Variants in ANO4 observed in about 807,000 individuals in gnomAD.
The protein encoded by ANO4 is anoctamin 4.
A neutral mutation model predicts 141.9 loss-of-function variants in ANO4; 69 were observed. That is an observed-to-expected ratio of 0.49 (90% CI 0.40 to 0.59). The LOEUF (loss-of-function observed/expected upper bound fraction) is 0.59, where lower values mean the gene tolerates loss of function less well. ANO4 is among the 20% of genes least tolerant of loss of function. The pLI is 0.00. For synonymous variants in ANO4, 350 were observed against 394.3 expected (o/e 0.89, Z 1.33); for missense variants, 894 against 1,162.2 (o/e 0.77, Z 3.36).
At chr12:100,787,959 T>C (rs2033925489) in intron 3 of ANO4, among the ~76,000 whole-genome samples, 1 of 152,232 alleles carries the variant, frequency 6.6e-6, no homozygotes, top group Non-Finnish European at 1.5e-5. Flanking sequence ...GACAAATACA[T>C]TCATATGCCT....
intron 11 of ANO4, 97 bp from the exon 12 acceptor site, chr12:101,042,237 G>C (rs983655748): frequency 1.3e-6 from 2 of 1,489,728 alleles, no homozygotes; most frequent in Non-Finnish European, 1.8e-6. Flanking sequence ...AGTTTACCTC[G>C]TAAGGCCGCT....
chr12:100,951,363 A>G (rs2042963234), intron 5 of ANO4, among the ~76,000 whole-genome samples: 1 of 152,222 alleles, frequency 6.6e-6, no homozygotes, highest in African/African-American at 2.4e-5. Flanking sequence ...AAGTCATTCT[A>G]CCATATAGAC....
intron 1 of ANO4, among the ~76,000 whole-genome samples, chr12:100,726,496 G>A (rs1179651950): frequency 1.3e-5 from 2 of 152,168 alleles, no homozygotes; most frequent in African/African-American, 4.8e-5. Flanking sequence ...TTTGCTTATG[G>A]GCCTTAAAGT....
intron 9 of ANO4, among the ~76,000 whole-genome samples, chr12:101,022,585 T>C (rs1256630427): frequency 6.6e-6 from 1 of 152,224 alleles, no homozygotes; most frequent in Non-Finnish European, 1.5e-5. Context: ...TACGAACTTT[T>C]TTCAGTTAAC....
At chr12:100,806,524 GTTTTTTTTTTTTTT>G (rs763949654) in intron 1 of ANO4, among the ~76,000 whole-genome samples, 20 of 59,880 alleles carry the variant, frequency 3.3e-4, no homozygotes, top group African/African-American at 8.4e-4. Flanking sequence ...TTTTTGTTTC[GTTTTTTTTTTTTTT>G]TTTTTTTTTT....
chr12:101,034,077 TG>T (rs1349512428), intron 9 of ANO4, among the ~76,000 whole-genome samples: 1 of 152,186 alleles, frequency 6.6e-6, no homozygotes, highest in Admixed American at 6.5e-5. Flanking sequence ...GAAGACAGTG[TG>T]GGGATTCCTC....
intron 14 of ANO4, among the ~76,000 whole-genome samples, chr12:101,067,859 G>A (rs1242562702): frequency 6.6e-6 from 1 of 152,168 alleles, no homozygotes; most frequent in Non-Finnish European, 1.5e-5. Context: ...AATTAGTACT[G>A]AAGCTTATAT....
intron 3 of ANO4, among the ~76,000 whole-genome samples, chr12:100,760,590 A>T (rs978888999): frequency 2.6e-5 from 4 of 152,208 alleles, no homozygotes; most frequent in Admixed American, 1.3e-4. Flanking sequence ...TGCATCTCTT[A>T]GAAATCTGTG....
chr12:100,942,470 C>T lies in ANO4; in HGVS notation c.391C>T (p.Gln131Ter). Residue 131 changes from glutamine to a stop codon, truncating the protein, a stop_gained, in exon 5 of 28, where the codon CAG (glutamine) becomes TAG (stop). Coordinates refer to ENST00000392977, the MANE Select transcript of ANO4 (RefSeq NM_001286615.2). LOFTEE classifies it high-confidence loss of function. ...CCTTGTGTACAGAAAATCCAACCCC[C>T]AGACTGAAAAGAGAGAAGTATTTGA... ...YILVYRKSNP[Q>*]TEKREVFERN... 1 of 1,614,026 alleles carries T rather than the reference C, an allele frequency of 6.2e-7. No homozygotes were observed. The highest frequency in any genetic ancestry group is 1.3e-5 in the African/African-American group (1 of 75,016).
intron 8 of ANO4, among the ~76,000 whole-genome samples, chr12:101,001,433 T>A (rs1015776311): frequency 6.6e-6 from 1 of 152,186 alleles, no homozygotes; most frequent in South Asian, 2.1e-4. Context: ...CTCCACATTA[T>A]CTTTTTTGAC....
At chr12:100,779,675 C>T (rs908524859) in intron 3 of ANO4, among the ~76,000 whole-genome samples, 1 of 152,170 alleles carries the variant, frequency 6.6e-6, no homozygotes, top group African/African-American at 2.4e-5. Flanking sequence ...GGTTGGTATG[C>T]CAGACTCCCC....
intron 1 of ANO4, among the ~76,000 whole-genome samples, chr12:100,798,750 A>G (rs2034501057): frequency 6.6e-6 from 1 of 152,248 alleles, no homozygotes; most frequent in Admixed American, 6.5e-5. Context: ...TCCTATGTTT[A>G]GCATTTAATT....
At chr12:100,911,366 G>A (rs2041094054) in intron 2 of ANO4, among the ~76,000 whole-genome samples, 1 of 152,056 alleles carries the variant, frequency 6.6e-6, no homozygotes, top group African/African-American at 2.4e-5. Flanking sequence ...AACATTTCTA[G>A]CAAATTATCA....
chr12:100,731,564 A>G (rs191500275), intron 1 of ANO4, among the ~76,000 whole-genome samples: 111 of 152,324 alleles, frequency 7.3e-4, no homozygotes, highest in African/African-American at 2.0e-3. Context: ...GTTGTTGGGT[A>G]ATTTAATAAT....
At chr12:100,963,476 C>CTG (rs376705210) in intron 5 of ANO4, among the ~76,000 whole-genome samples, 2 of 151,582 alleles carry the variant, frequency 1.3e-5, no homozygotes, top group African/African-American at 4.8e-5. Context: ...CACCAGGACA[C>CTG]TGTGTGTGTG....
At chr12:100,773,286 C>A (rs2033373197) in intron 3 of ANO4, among the ~76,000 whole-genome samples, 1 of 152,176 alleles carries the variant, frequency 6.6e-6, no homozygotes. Context: ...AATACCATCA[C>A]CTTAGGGTTT....
At chr12:101,033,673 G>A (rs897250424) in intron 9 of ANO4, among the ~76,000 whole-genome samples, 1 of 152,130 alleles carries the variant, frequency 6.6e-6, no homozygotes, top group Non-Finnish European at 1.5e-5. Flanking sequence ...CTTCTGCACA[G>A]CAAAAGAAAC....
chr12:101,088,542 C>T (rs1035716970), intron 17 of ANO4, among the ~76,000 whole-genome samples: 2 of 151,302 alleles, frequency 1.3e-5, no homozygotes, highest in Non-Finnish European at 2.9e-5. Context: ...TTTTTTTTCA[C>T]TGTTGTTATT....
intron 1 of ANO4, among the ~76,000 whole-genome samples, chr12:100,731,642 G>A (rs1255407539): frequency 6.6e-6 from 1 of 152,098 alleles, no homozygotes; most frequent in Non-Finnish European, 1.5e-5. Flanking sequence ...ATGTGGTGTT[G>A]CTGTTTATTC....
Sources: allele counts gnomAD v4.1 joint callset (sites outside exome capture counted in the v4.1 genomes callset), GRCh38; gene constraint gnomAD v4.1.1; transcripts MANE v1.5; gene names NCBI Gene and HGNC (gene_info 2026-07-23, HGNC 2026-07-21).